The following PIK3C2B variants were observed in gnomAD, a reference collection of about 807,000 sequenced individuals.
The protein encoded by PIK3C2B is phosphatidylinositol 4-phosphate 3-kinase C2 domain-containing subunit beta.
Under a neutral mutation model 184.3 loss-of-function variants are expected in PIK3C2B, and 83 were observed. The ratio of observed to expected loss-of-function variants is 0.45; its 90% CI spans 0.38 to 0.54. PIK3C2B has a LOEUF of 0.54. Among genes scored for constraint, PIK3C2B ranks in the 20% least tolerant of loss-of-function variants. PIK3C2B has a pLI of 0.00. For missense variants in PIK3C2B, 1,736 were observed against 2,113.5 expected (o/e 0.82, Z 3.50); for synonymous variants, 779 against 837.6 (o/e 0.93, Z 1.21).
At chr1:204,427,986 C>T (rs752747292) in intron 30 of PIK3C2B, among the ~76,000 whole-genome samples, 153 bp downstream of exon 30, 65 of 152,166 alleles carry the variant, frequency 4.3e-4, no homozygotes, top group Non-Finnish European at 2.4e-4. Context: ...ATGGACCCCA[C>T]GGCCTGAGTG....
chr1:204,464,697 G>T, intron 3 of PIK3C2B, 93 bp from the exon 4 acceptor site: 1 of 1,249,550 alleles, frequency 8.0e-7, no homozygotes, highest in Non-Finnish European at 1.1e-6. Context: ...AGGCTCAAGA[G>T]CCCCTCTGTC....
intron 1 of PIK3C2B, among the ~76,000 whole-genome samples, chr1:204,479,930 G>A (rs1656997701): frequency 6.6e-6 from 1 of 152,232 alleles, no homozygotes; most frequent in Non-Finnish European, 1.5e-5. Flanking sequence ...ATAACAACAA[G>A]GCTCTGCTCT....
Position 204,433,439 on chromosome 1 carries a change from AAAG to A in PIK3C2B, c.3844-17_3844-15del, listed in dbSNP as rs771999394. The stretch of plus-strand genomic sequence containing the variant: ...ACAGGACAACATCTAGAAGGAGCAG[AAAG>A]AAGAAGAGAGGGTGCCTGTAACAAC... On this transcript the variant is annotated splice_polypyrimidine_tract_variant and intron_variant, in intron 25 of 32. Coordinates refer to ENST00000684373, the MANE Select transcript of PIK3C2B (RefSeq NM_001377334.1). This position sits in a 1 kb window ranked among gnomAD's most constrained non-coding sequence, Gnocchi z 5.0. The A allele has an allele frequency of 2.2e-5, 33 of 1,476,854 alleles. No homozygotes were observed. Among genetic ancestry groups the A allele is most frequent in the South Asian group, 3.4e-5 (3 of 88,242 alleles). The allele number at this position is 1,476,854 out of a possible 1,614,324, so 91.5% of individuals were successfully genotyped here.
chr1:204,452,975 G>A (rs1450747623), intron 12 of PIK3C2B, among the ~76,000 whole-genome samples: 1 of 151,868 alleles, frequency 6.6e-6, no homozygotes, highest in Non-Finnish European at 1.5e-5. Context: ...CACCTTTATT[G>A]CTCTAAGAAT....
At chr1:204,487,241 G>A (rs904164771) in intron 1 of PIK3C2B, among the ~76,000 whole-genome samples, 10 of 152,172 alleles carry the variant, frequency 6.6e-5, no homozygotes, top group African/African-American at 2.2e-4. Flanking sequence ...AAGTAGCTAG[G>A]ACTACAGGTG....
intron 12 of PIK3C2B, among the ~76,000 whole-genome samples, chr1:204,452,360 C>A (rs1444537759): frequency 1.5e-5 from 2 of 134,022 alleles, no homozygotes; most frequent in Non-Finnish European, 3.1e-5. Context: ...TCACTGCAGC[C>A]TTGACCTCCC....
intron 1 of PIK3C2B, among the ~76,000 whole-genome samples, chr1:204,484,043 C>G (rs553437025): frequency 3.2e-4 from 48 of 152,164 alleles, no homozygotes; most frequent in Non-Finnish European, 6.3e-4. Flanking sequence ...GAAACTAGTA[C>G]AGCCCACTGT....
chr1:204,490,364 G>A (rs1225300343), intron 1 of PIK3C2B: 1 of 156,196 alleles, frequency 6.4e-6, no homozygotes, highest in Non-Finnish European at 1.4e-5. Flanking sequence ...CTTAACCAGG[G>A]TGATGATTTG....
At chr1:204,489,529 C>G (rs1375064378) in intron 1 of PIK3C2B, among the ~76,000 whole-genome samples, 4 of 151,510 alleles carry the variant, frequency 2.6e-5, no homozygotes, top group Non-Finnish European at 5.9e-5. Flanking sequence ...GAGTGAAAAT[C>G]TAATATCTCT....
Position 204,454,350 on chromosome 1 carries a change from C to T in PIK3C2B, c.2066+319G>A, listed in dbSNP as rs1034486299. 9.2e-5 allele frequency among the ~76,000 whole-genome samples: 14 copies of T among 151,888 alleles called. No homozygotes were observed. In the East Asian group the frequency reaches 2.2e-3, roughly 24 times the overall value. On this transcript the variant is annotated intron_variant, in intron 12 of 32. Transcript: ENST00000684373. ...ACAAAAAATTAGCTGGGCGTGGTGG[C>T]GGGCGCCTGTAGTCCCAGCTACTCG...
At chr1:204,460,792 T>C (rs1655272600) in intron 5 of PIK3C2B, 131 bp from the exon 6 acceptor site, 1 of 650,374 alleles carries the variant, frequency 1.5e-6, no homozygotes, top group South Asian at 1.8e-5. Flanking sequence ...TGTTGTACCC[T>C]ACTTTGGCTC....
intron 29 of PIK3C2B, 96 bp from the exon 30 acceptor site, chr1:204,428,316 A>T (rs979139780): frequency 2.7e-6 from 2 of 731,838 alleles, no homozygotes; most frequent in South Asian, 1.7e-5. Context: ...GACTTAGGAA[A>T]TATAACAACC....
chr1:204,460,187 C>A, intron 7 of PIK3C2B, 137 bp downstream of exon 7: 1 of 727,606 alleles, frequency 1.4e-6, no homozygotes, highest in South Asian at 1.7e-5. Context: ...GGGATCTTCT[C>A]TGATAAGATG....
intron 27 of PIK3C2B, among the ~76,000 whole-genome samples, 157 bp downstream of exon 27, chr1:204,432,043 G>A (rs1042833650): frequency 2.6e-5 from 4 of 152,180 alleles, no homozygotes; most frequent in Non-Finnish European, 5.9e-5. Flanking sequence ...GGCAGATCAC[G>A]TGAGCAAAGG....
At chr1:204,431,573 G>A (rs1675058346) in intron 28 of PIK3C2B, 96 bp downstream of exon 28, 2 of 1,452,210 alleles carry the variant, frequency 1.4e-6, no homozygotes, top group African/African-American at 2.8e-5. Flanking sequence ...AGTCCAAAAG[G>A]GTATTTTCTG....
intron 5 of PIK3C2B, among the ~76,000 whole-genome samples, chr1:204,461,668 C>T (rs1324958414): frequency 1.3e-5 from 2 of 152,116 alleles, no homozygotes; most frequent in South Asian, 2.1e-4. Flanking sequence ...ACCAAATCTC[C>T]GATCTAGACC....
In PIK3C2B at chr1:204,438,956, A is replaced by T; in HGVS notation, c.3495T>A (p.Pro1165=). The change falls in exon 23 of 33, where the codon CCT becomes CCA. Residue 1165 remains proline, a synonymous_variant. Coordinates refer to ENST00000684373, the MANE Select transcript of PIK3C2B (RefSeq NM_001377334.1). The stretch of plus-strand genomic sequence containing the variant: ...CTACCTTCTCATACTCGTCCTCCCC[A>T]GGGTTGTGTTTCTGCAGCCAGTCTG... ...PLADWLQKHN[P]GEDEYEKAVE... The T allele has an allele frequency of 6.2e-7, 1 of 1,613,904 alleles. No homozygotes were observed. Among genetic ancestry groups the T allele is most frequent in the Non-Finnish European group, 8.5e-7 (1 of 1,180,026 alleles).
intron 1 of PIK3C2B, among the ~76,000 whole-genome samples, chr1:204,487,842 C>T (rs1329532492): frequency 6.6e-6 from 1 of 152,062 alleles, no homozygotes; most frequent in African/African-American, 2.4e-5. Context: ...CATCCATTTA[C>T]CTGCATTTTG....
chr1:204,426,339 G>A (rs1674739986), intron 31 of PIK3C2B, among the ~76,000 whole-genome samples: 1 of 152,162 alleles, frequency 6.6e-6, no homozygotes, highest in South Asian at 2.1e-4. Context: ...GGCTTCAGCC[G>A]CTGGCCCCTT....
Sources: gnomAD v4.1 joint callset for allele counts (sites outside exome capture counted in the v4.1 genomes callset) on GRCh38, gnomAD v4.1.1 for gene constraint, Gnocchi (gnomAD v3.1) non-coding constraint, MANE v1.5 for transcripts, NCBI Gene and HGNC (gene_info 2026-07-23, HGNC 2026-07-21) for gene names.